The following JPH2 variants were observed in gnomAD, a reference collection of about 807,000 sequenced individuals.
JPH2 encodes the protein junctophilin 2, also known as junctophilin-2.
A neutral mutation model predicts 55.9 loss-of-function variants in JPH2; 38 were observed. The ratio of observed to expected loss-of-function variants is 0.68; its 90% CI spans 0.52 to 0.89. JPH2 has a LOEUF of 0.89. Ranked by LOEUF, JPH2 falls within the 40% of genes least tolerant of loss-of-function variation. The pLI is 0.00. For missense variants in JPH2, 964 were observed against 1,037.6 expected, an observed-to-expected ratio of 0.93 and a Z score of 0.97; for synonymous variants, 480 against 472.4, an observed-to-expected ratio of 1.02 and a Z score of -0.21.
At chr20:44,186,186 G>T in intron 1 of JPH2, 141 bp downstream of exon 1, 1 of 895,930 alleles carries the variant, frequency 1.1e-6, no homozygotes, top group Non-Finnish European at 1.7e-6. Flanking sequence ...AGGTAGAGCA[G>T]CTTGCCCAAA....
chr20:44,180,171 T>C (rs1057016558), intron 1 of JPH2, among the ~76,000 whole-genome samples: 1 of 152,266 alleles, frequency 6.6e-6, no homozygotes. Flanking sequence ...TGAGCCAAGA[T>C]TGCGCCATTG....
rs1332442307 is a variant in JPH2 at position 44,111,434 on chromosome 20, G to A, written c.*2084C>T. ...CTGGGCTAGCATTGGAGGCTGGGGG[G>A]ACTCCACCTCAAAGGGCAGGCTCTT... On this transcript the variant is annotated 3_prime_UTR_variant, in exon 6 of 6. Transcript: ENST00000372980. 1.3e-5 allele frequency among the ~76,000 whole-genome samples: 2 copies of A among 152,164 alleles called. No individual in the cohort carries two copies. Among genetic ancestry groups the A allele is most frequent in the Admixed American group, 6.5e-5 (1 of 15,280 alleles).
At chr20:44,180,178 A>G (rs1321911435) in intron 1 of JPH2, among the ~76,000 whole-genome samples, 4 of 152,204 alleles carry the variant, frequency 2.6e-5, no homozygotes, top group African/African-American at 9.7e-5. Flanking sequence ...AGATTGCGCC[A>G]TTGTACCCCA....
At chr20:44,179,688 G>T (rs1290838577) in intron 1 of JPH2, among the ~76,000 whole-genome samples, 1 of 151,866 alleles carries the variant, frequency 6.6e-6, no homozygotes, top group African/African-American at 2.4e-5. Flanking sequence ...TTTTGCACTG[G>T]GTCTCACGAA....
In JPH2 at chr20:44,109,074, C is replaced by G. The variant is rs2072124936; in HGVS notation, c.*4444G>C. Among the ~76,000 whole-genome samples the G allele has an allele frequency of 6.6e-6, 1 of 152,214 alleles. No individual in the cohort carries two copies. The highest frequency in any genetic ancestry group is 2.1e-4 in the South Asian group (1 of 4,826). ...CTGCCACATCCCTGTTGACTAGCAT[C>G]TCCCCTCAGCTGGCTCATCTGCAGT... On this transcript the variant is annotated 3_prime_UTR_variant, in exon 6 of 6. Transcript: ENST00000372980.
At chr20:44,113,939 T>C (rs1287977056) in intron 5 of JPH2, among the ~76,000 whole-genome samples, 2 of 152,216 alleles carry the variant, frequency 1.3e-5, no homozygotes, top group Admixed American at 6.5e-5. Flanking sequence ...GTTTACATGG[T>C]GACAGCATAG....
chr20:44,126,168 G>GAGGGAGGAAGGAAGGA (rs1555854536), intron 2 of JPH2, among the ~76,000 whole-genome samples: 3 of 36,328 alleles, frequency 8.3e-5, no homozygotes, highest in East Asian at 1.8e-3. Flanking sequence ...GGGAGGGAGG[G>GAGGGAGGAAGGAAGGA]AGGAAGGAAG....
intron 2 of JPH2, among the ~76,000 whole-genome samples, chr20:44,154,491 A>G (rs535166937): frequency 5.9e-4 from 90 of 152,354 alleles, no homozygotes; most frequent in African/African-American, 2.1e-3. Flanking sequence ...CATACTGGAC[A>G]GCCCAGGTCT....
rs557703659 is a variant in JPH2 at position 44,178,449 on chromosome 20, C to T, written c.379+7878G>A. 2.1e-4 allele frequency among the ~76,000 whole-genome samples: 32 copies of T among 152,246 alleles called. No individual in the cohort carries two copies. The South Asian group carries it at 6.4e-3, about 31-fold the overall frequency. On this transcript the variant is annotated intron_variant, in intron 1 of 5. Transcript: ENST00000372980. ...TGCGTGAAATTAAAGAAAACCTAAA[C>T]AAATAGGGATATATACCATGTTCAC... is the stretch of plus-strand genomic sequence containing the variant.
chr20:44,156,340 A>G (rs1236161480), intron 2 of JPH2, among the ~76,000 whole-genome samples: 3 of 152,156 alleles, frequency 2.0e-5, no homozygotes, highest in Non-Finnish European at 4.4e-5. Flanking sequence ...CTTTTCTGTA[A>G]ATCTAAAATT....
chr20:44,106,636 G>A lies in JPH2; in HGVS notation c.*6882C>T, dbSNP rs2072110584. ...GGGACTCACAGTTCCAAGTGGCTAG[G>A]GAAGCCTCACAATCATGGTGGAAGA... On this transcript the variant is annotated 3_prime_UTR_variant, in exon 6 of 6. Coordinates refer to ENST00000372980, the MANE Select transcript of JPH2 (RefSeq NM_020433.5). 6.6e-6 allele frequency among the ~76,000 whole-genome samples: 1 copy of A among 152,074 alleles called. No homozygotes were observed. The highest frequency in any genetic ancestry group is 1.5e-5 in the Non-Finnish European group (1 of 68,004).
intron 1 of JPH2, among the ~76,000 whole-genome samples, chr20:44,180,563 C>T (rs2145898781): frequency 6.6e-6 from 1 of 152,232 alleles, no homozygotes; most frequent in South Asian, 2.1e-4. Flanking sequence ...GTCTTGAACT[C>T]CTGGCTCCAG....
At chr20:44,148,343 C>T in intron 2 of JPH2, among the ~76,000 whole-genome samples, 1 of 152,202 alleles carries the variant, frequency 6.6e-6, no homozygotes, top group East Asian at 1.9e-4. Context: ...CCCGAGACAG[C>T]TGAGGCTGAG....
chr20:44,111,910 CT>C lies in JPH2; in HGVS notation c.*1607del. On this transcript the variant is annotated 3_prime_UTR_variant, in exon 6 of 6. Transcript: ENST00000372980. ...AGAGCAGTGGCCCCGCCCCATTCCCCTCATGCTCCAGGAGTCTTGAGAAGCT... is the reference window on the plus strand; with the variant it reads ...AGAGCAGTGGCCCCGCCCCATTCCCCCATGCTCCAGGAGTCTTGAGAAGCT... 1 of 152,640 alleles carries C rather than the reference CT, an allele frequency of 6.6e-6. No individual in the cohort carries two copies. The highest frequency in any genetic ancestry group is 1.5e-5 in the Non-Finnish European group (1 of 68,344). The allele number at this position is 152,640 out of a possible 1,614,324, so 9.5% of individuals were successfully genotyped here. A position where few individuals can be genotyped will look rare whatever the true frequency, so the allele number is the denominator to read the frequency against.
At chr20:44,148,219 G>A (rs181685890) in intron 2 of JPH2, among the ~76,000 whole-genome samples, 3 of 152,266 alleles carry the variant, frequency 2.0e-5, no homozygotes, top group East Asian at 1.9e-4. Flanking sequence ...ATATGCCTAA[G>A]TTAGAATTAG....
chr20:44,156,205 G>C (rs2072565376), intron 2 of JPH2, among the ~76,000 whole-genome samples: 1 of 152,196 alleles, frequency 6.6e-6, no homozygotes, highest in Non-Finnish European at 1.5e-5. Flanking sequence ...TGCAAATAAA[G>C]TCTGGAGTTC....
chr20:44,179,361 G>A (rs2072761890), intron 1 of JPH2, among the ~76,000 whole-genome samples: 1 of 152,172 alleles, frequency 6.6e-6, no homozygotes, highest in Non-Finnish European at 1.5e-5. Flanking sequence ...GCCAGGGAAG[G>A]AATAAAACAC....
At chr20:44,148,014 T>G (rs2072504435) in intron 2 of JPH2, among the ~76,000 whole-genome samples, 1 of 152,042 alleles carries the variant, frequency 6.6e-6, no homozygotes, top group South Asian at 2.1e-4. Flanking sequence ...AATACAAAAA[T>G]TAGCCAGCGG....
chr20:44,184,740 G>A (rs1397556313), intron 1 of JPH2, among the ~76,000 whole-genome samples: 1 of 152,100 alleles, frequency 6.6e-6, no homozygotes, highest in Non-Finnish European at 1.5e-5. Context: ...TCATGCTTCT[G>A]AGCCTTTGTC....
Sources: gnomAD v4.1 joint callset for allele counts (sites outside exome capture counted in the v4.1 genomes callset) on GRCh38, gnomAD v4.1.1 for gene constraint, MANE v1.5 for transcripts, NCBI Gene and HGNC (gene_info 2026-07-23, HGNC 2026-07-21) for gene names.